Variants in L2HGDH observed in about 807,000 individuals in gnomAD.
L2HGDH encodes the protein L-2-hydroxyglutarate dehydrogenase, mitochondrial.
A neutral mutation model predicts 51.5 loss-of-function variants in L2HGDH; 34 were observed. That is an observed-to-expected ratio of 0.66 (90% confidence interval 0.50 to 0.88). L2HGDH has a LOEUF of 0.88. Ranked by LOEUF, L2HGDH falls within the 40% of genes least tolerant of loss-of-function variation. The pLI is 0.00. For missense variants in L2HGDH, 558 were observed against 571.9 expected, an observed-to-expected ratio of 0.98 and a Z score of 0.25; for synonymous variants, 198 against 197.9, an observed-to-expected ratio of 1.00 and a Z score of -0.01.
chr14:50,285,141 G>A (rs972915820), intron 4 of L2HGDH, among the ~76,000 whole-genome samples: 5 of 152,178 alleles, frequency 3.3e-5, no homozygotes, highest in Non-Finnish European at 5.9e-5. Flanking sequence ...CAGCTACTCA[G>A]AAGGCTGAGG....
intron 9 of L2HGDH, among the ~76,000 whole-genome samples, chr14:50,249,554 A>C (rs1372940546): frequency 6.6e-6 from 1 of 152,130 alleles, no homozygotes; most frequent in Non-Finnish European, 1.5e-5. Context: ...ACCCCGGGCC[A>C]AAAGGGAACC....
chr14:50,294,334 T>A (rs1448279704), intron 3 of L2HGDH, 88 bp from the exon 4 acceptor site: 1 of 1,357,186 alleles, frequency 7.4e-7, no homozygotes, highest in Admixed American at 1.8e-5. Context: ...TCATCAACTA[T>A]TGTATGACCC....
At chr14:50,248,324 T>C (rs1213210053) in intron 9 of L2HGDH, among the ~76,000 whole-genome samples, 1 of 152,212 alleles carries the variant, frequency 6.6e-6, no homozygotes, top group South Asian at 2.1e-4. Flanking sequence ...TAAACATTTT[T>C]TACTAATTCT....
At chr14:50,265,869 G>A (rs1458399643) in intron 8 of L2HGDH, among the ~76,000 whole-genome samples, 2 of 152,244 alleles carry the variant, frequency 1.3e-5, no homozygotes, top group Non-Finnish European at 2.9e-5. Flanking sequence ...AGCTGAGATC[G>A]TGCCACTGCA....
chr14:50,277,438 A>C (rs1890036104), intron 6 of L2HGDH, among the ~76,000 whole-genome samples: 1 of 152,036 alleles, frequency 6.6e-6, no homozygotes, highest in Non-Finnish European at 1.5e-5. Context: ...CCTTCTCTTC[A>C]TGGTTCCAAC....
intron 8 of L2HGDH, among the ~76,000 whole-genome samples, chr14:50,266,638 CTT>C (rs1245448953): frequency 6.6e-6 from 1 of 152,102 alleles, no homozygotes; most frequent in Non-Finnish European, 1.5e-5. Flanking sequence ...ACCAAAAAAA[CTT>C]TAGTTGTGAT....
rs1889435891 is a variant in L2HGDH at position 50,267,882 on chromosome 14, C to T, written c.935G>A (p.Gly312Glu). ...PVPDSRFPFL[G>E]VHFTPRMDGS... ...ATCCATCCTTGGTGTGAAGTGAACTCCTAGGAAAGGAAACCGGCTATCTGG... is the reference window on the plus strand; with the variant it reads ...ATCCATCCTTGGTGTGAAGTGAACTTCTAGGAAAGGAAACCGGCTATCTGG... Residue 312 changes from glycine (G) to glutamate (E), a missense_variant, in exon 8 of 10, where the codon GGA becomes GAA. Physicochemically the swap from Gly to Glu is moderately conservative, Grantham distance 98. Coordinates refer to ENST00000267436, the MANE Select transcript of L2HGDH (RefSeq NM_024884.3). 1.9e-6 allele frequency: 3 copies of T among 1,613,982 alleles called. No individual in the cohort carries two copies. Among genetic ancestry groups the T allele is most frequent in the Admixed American group, 1.7e-5 (1 of 60,002 alleles).
intron 9 of L2HGDH, among the ~76,000 whole-genome samples, chr14:50,248,216 CA>C (rs1317100001): frequency 2.6e-5 from 4 of 152,028 alleles, no homozygotes; most frequent in African/African-American, 9.7e-5. Flanking sequence ...TTTTGAACTA[CA>C]AAAAAGCACC....
At chr14:50,258,382 A>AT in intron 9 of L2HGDH, among the ~76,000 whole-genome samples, 1 of 151,674 alleles carries the variant, frequency 6.6e-6, no homozygotes, top group East Asian at 1.9e-4. Context: ...CACCCAGCTA[A>AT]TTGTTTTTTA....
intron 7 of L2HGDH, 129 bp from the exon 8 acceptor site, chr14:50,268,039 A>C: frequency 3.2e-6 from 3 of 925,016 alleles, no homozygotes; most frequent in Non-Finnish European, 5.2e-6. Flanking sequence ...CTGTACTCAG[A>C]TATACTTTTC....
chr14:50,266,842 T>C (rs890464818), intron 8 of L2HGDH, among the ~76,000 whole-genome samples: 5 of 152,130 alleles, frequency 3.3e-5, no homozygotes, highest in African/African-American at 9.7e-5. Context: ...GAGAGAAACA[T>C]TGGTAAAAGG....
At position 50,293,349 on chromosome 14, in the gene L2HGDH, G is replaced by T. The variant is rs61160754; in HGVS notation, c.540+766C>A. 7.4e-4 allele frequency: 510 copies of T among 690,198 alleles called. 3 individuals carry two copies. The highest frequency in any genetic ancestry group is 7.0e-3 in the African/African-American group (394 of 56,680). 42.8% of individuals were successfully genotyped at this position (690,198 alleles called of 1,614,324 possible). ...CATATATAAAAATCAATTCCAAATG[G>T]ACTGTAGATCTAAATGTGAAATGTA... On this transcript the variant is annotated intron_variant, in intron 4 of 9. Transcript: ENST00000267436.
intron 6 of L2HGDH, among the ~76,000 whole-genome samples, chr14:50,276,063 G>T (rs1329586169): frequency 6.6e-6 from 1 of 152,196 alleles, no homozygotes; most frequent in Admixed American, 6.5e-5. Flanking sequence ...AAAATGAGTT[G>T]CTACCACAAC....
Position 50,261,395 on chromosome 14 carries a change from G to A in L2HGDH, c.1196+3963C>T, listed in dbSNP as rs567143896. On this transcript the variant is annotated intron_variant, in intron 9 of 9. Coordinates refer to ENST00000267436, the MANE Select transcript of L2HGDH (RefSeq NM_024884.3). ...GGGAAATTGTGACATATATGTCTTC[G>A]TCTTTTACATCTTTACAGTGCTAAC... Among the ~76,000 whole-genome samples the A allele has an allele frequency of 3.3e-5, 5 of 152,232 alleles. No homozygotes were observed. The South Asian group carries it at 6.2e-4, about 19-fold the overall frequency.
chr14:50,265,001 G>C (rs1889259221), intron 9 of L2HGDH, among the ~76,000 whole-genome samples: 1 of 152,204 alleles, frequency 6.6e-6, no homozygotes. Context: ...GGAATCACAA[G>C]ACTAACTGGC....
rs146196275 is a variant in L2HGDH at position 50,267,830 on chromosome 14, T to C, written c.987A>G (p.Ala329=). 5.3e-5 allele frequency: 85 copies of C among 1,613,808 alleles called. No individual in the cohort carries two copies. The Middle Eastern group carries it at 1.8e-3, about 34-fold the overall frequency. Residue 329 remains alanine, a synonymous_variant, in exon 8 of 10, where the codon GCA becomes GCG. Coordinates refer to ENST00000267436, the MANE Select transcript of L2HGDH (RefSeq NM_024884.3). ...AACCCTCTCGTTTAAAGGCAAGAAC[T>C]GCATTAGGCCCTAGCCAAATACTGC... The part of the protein sequence containing the change: ...MDGSIWLGPN[A]VLAFKREGYR...
chr14:50,261,484 G>A (rs957645938), intron 9 of L2HGDH, among the ~76,000 whole-genome samples: 5 of 152,162 alleles, frequency 3.3e-5, no homozygotes, highest in Middle Eastern at 6.8e-3. Flanking sequence ...TTAAAGTTTA[G>A]AGCTATATAT....
chr14:50,284,060 A>C, intron 4 of L2HGDH, 27 bp from the exon 5 acceptor site: 1 of 1,597,868 alleles, frequency 6.3e-7, no homozygotes, highest in Non-Finnish European at 8.6e-7. Context: ...AAAAGATAAC[A>C]GATAAGAGAA....
Position 50,271,175 on chromosome 14 carries a change from G to A in L2HGDH, c.739-1845C>T, listed in dbSNP as rs1016202724. Among the ~76,000 whole-genome samples, 3 of 152,146 alleles carry A rather than the reference G, an allele frequency of 2.0e-5. No individual in the cohort carries two copies. The East Asian group carries it at 5.8e-4, about 29-fold the overall frequency. On this transcript the variant is annotated intron_variant, in intron 6 of 9. Coordinates refer to ENST00000267436, the MANE Select transcript of L2HGDH (RefSeq NM_024884.3). ...GCCAAAAATAACTTCTTCTAAATAG[G>A]TTAATATCTTTCCTGTTCATCTAGA...
Sources: allele counts gnomAD v4.1 joint callset (sites outside exome capture counted in the v4.1 genomes callset), GRCh38; gene constraint gnomAD v4.1.1; transcripts MANE v1.5; gene names NCBI Gene and HGNC (gene_info 2026-07-23, HGNC 2026-07-21).